The following HYLS1 variants were observed in gnomAD, a reference collection of about 807,000 sequenced individuals.
HYLS1 encodes the protein centriolar and ciliogenesis-associated protein HYLS1.
In HYLS1, 25 loss-of-function variants were observed where a neutral mutation model predicts 29.4. The observed-to-expected ratio is 0.85, with a 90% CI of 0.62 to 1.19. The LOEUF (loss-of-function observed/expected upper bound fraction) is 1.19. HYLS1 is among the 50% of genes most tolerant of loss of function. The probability of loss-of-function intolerance (pLI) is 0.00; values close to 1 mark genes in which losing one functional copy is unlikely to be tolerated. For missense variants in HYLS1, 352 were observed against 365.1 expected (o/e 0.96, Z 0.29); for synonymous variants, 128 against 126.7 (o/e 1.01, Z -0.07).
chr11:125,899,883 T>C lies in HYLS1; in HGVS notation c.515T>C (p.Leu172Pro). The C allele has an allele frequency of 1.2e-6, 2 of 1,614,218 alleles. No homozygotes were observed. The highest frequency in any genetic ancestry group is 1.7e-6 in the Non-Finnish European group (2 of 1,180,040). ...TCTCAAGATCAGCTCATTTGCTCTC[T>C]ACAAAGAGAAGGAATGGGCTCTCCA... Reference protein sequence around the residue: ...GISQDQLICSLQREGMGSPAY... With the variant: ...GISQDQLICSPQREGMGSPAY... The change falls in exon 3 of 3, where the codon CTA becomes CCA. Residue 172 changes from leucine (L) to proline (P), a missense_variant. Physicochemically the swap from Leu to Pro is moderately conservative, Grantham distance 98 (BLOSUM62 -3). Transcript: ENST00000425380.
intron 2 of HYLS1, chr11:125,895,653 A>C: frequency 6.2e-7 from 1 of 1,614,202 alleles, no homozygotes; most frequent in South Asian, 1.1e-5. Context: ...CAATATACGG[A>C]TGTCTGGAGG....
chr11:125,892,164 A>T (rs1448868585), intron 2 of HYLS1, among the ~76,000 whole-genome samples: 3 of 152,326 alleles, frequency 2.0e-5, no homozygotes, highest in African/African-American at 7.2e-5. Flanking sequence ...ATACTATCCA[A>T]TCTAGAAGAG....
upstream of HYLS1, among the ~76,000 whole-genome samples, chr11:125,884,610 A>AAAAC (rs952249022): frequency 2.5e-4 from 38 of 152,376 alleles, no homozygotes; most frequent in Admixed American, 2.0e-3. Context: ...CTCCGTCTCA[A>AAAAC]AAACAAACAA....
chr11:125,894,629 G>T (rs1420474252), intron 2 of HYLS1, among the ~76,000 whole-genome samples: 5 of 152,058 alleles, frequency 3.3e-5, no homozygotes, highest in Admixed American at 2.6e-4. Flanking sequence ...AAAATTATTG[G>T]TATCTATCTC....
intron 2 of HYLS1, among the ~76,000 whole-genome samples, chr11:125,892,222 T>G (rs1412634589): frequency 6.6e-6 from 1 of 152,170 alleles, no homozygotes; most frequent in Non-Finnish European, 1.5e-5. Flanking sequence ...ATAGGTAAAA[T>G]AAACAAGAAG....
intron 2 of HYLS1, among the ~76,000 whole-genome samples, chr11:125,897,468 C>T (rs537015475): frequency 1.1e-4 from 17 of 151,006 alleles, no homozygotes; most frequent in Admixed American, 5.9e-4. Flanking sequence ...TGGTAAAGTG[C>T]GACCTTCCTC....
chr11:125,885,177 C>T (rs1260737165), upstream of HYLS1, among the ~76,000 whole-genome samples: 5 of 152,190 alleles, frequency 3.3e-5, no homozygotes, highest in African/African-American at 9.7e-5. Flanking sequence ...TGGGGCTGCA[C>T]ACAGTGGCTC....
At position 125,889,219 on chromosome 11, in the gene HYLS1, G is replaced by A. The variant is rs543531859; in HGVS notation, c.-76+1454G>A. On this transcript the variant is annotated intron_variant, in intron 1 of 2. Coordinates refer to ENST00000425380, the MANE Select transcript of HYLS1 (RefSeq NM_001134793.2). ...ACGCATTACCATTTTTAATGGATGC[G>A]TGGCGTTTGTTGCTATGGCTGTATT... is the stretch of plus-strand genomic sequence containing the variant. Among the ~76,000 whole-genome samples the A allele has an allele frequency of 1.4e-4, 22 of 152,262 alleles. No homozygotes were observed. In the South Asian group the frequency reaches 4.6e-3, roughly 32 times the overall value.
intron 2 of HYLS1, among the ~76,000 whole-genome samples, chr11:125,894,857 G>C (rs192769247): frequency 3.9e-5 from 6 of 152,254 alleles, no homozygotes; most frequent in Admixed American, 2.6e-4. Context: ...AGAAATTAAT[G>C]TCTTTTTACT....
chr11:125,888,963 A>C (rs965347901), intron 1 of HYLS1, among the ~76,000 whole-genome samples: 1 of 152,190 alleles, frequency 6.6e-6, no homozygotes, highest in African/African-American at 2.4e-5. Context: ...AAAATACTCG[A>C]AATTTCATCA....
intron 2 of HYLS1, chr11:125,896,354 A>G (rs905234224): frequency 7.1e-7 from 1 of 1,403,484 alleles, no homozygotes; most frequent in East Asian, 2.3e-5. Context: ...AAAGGGATAC[A>G]ACAGTTTCAA....
At chr11:125,895,811 C>G in intron 2 of HYLS1, 1 of 1,583,720 alleles carries the variant, frequency 6.3e-7, no homozygotes, top group South Asian at 1.2e-5. Flanking sequence ...GACAAAGATA[C>G]TGGGTTTTAG....
intron 2 of HYLS1, among the ~76,000 whole-genome samples, chr11:125,894,942 C>T (rs1944528711): frequency 6.6e-6 from 1 of 152,180 alleles, no homozygotes; most frequent in Non-Finnish European, 1.5e-5. Context: ...ATACACTGCT[C>T]CCTCTTACAT....
chr11:125,886,066 G>T (rs1286909979), upstream of HYLS1, among the ~76,000 whole-genome samples: 1 of 152,006 alleles, frequency 6.6e-6, no homozygotes, highest in Non-Finnish European at 1.5e-5. Flanking sequence ...AATGTAATGC[G>T]CTTGAATCAT....
intron 2 of HYLS1, chr11:125,895,485 A>C: frequency 6.2e-7 from 1 of 1,614,148 alleles, no homozygotes; most frequent in Non-Finnish European, 8.5e-7. Context: ...GGCTACATCC[A>C]TTTTACACAA....
At chr11:125,899,268 A>C in intron 2 of HYLS1, 76 bp from the exon 3 acceptor site, 1 of 1,013,382 alleles carries the variant, frequency 9.9e-7, no homozygotes, top group Non-Finnish European at 1.5e-6. Context: ...ACTGCTATAA[A>C]ACGGAGATAA....
At chr11:125,897,763 G>A (rs959555835) in intron 2 of HYLS1, among the ~76,000 whole-genome samples, 1 of 152,198 alleles carries the variant, frequency 6.6e-6, no homozygotes, top group African/African-American at 2.4e-5. Context: ...TGTATGGTCA[G>A]TACAGCTTCT....
At chr11:125,887,106 G>A (rs915039512), upstream of HYLS1, 1 of 152,636 alleles carries the variant, frequency 6.6e-6, no homozygotes, top group Non-Finnish European at 1.5e-5. Context: ...CAGAGGAAAG[G>A]AAGAGCTCAG....
chr11:125,899,991 G>A lies in HYLS1; in HGVS notation c.623G>A (p.Gly208Asp), dbSNP rs1459437109. 6.8e-6 allele frequency: 11 copies of A among 1,614,214 alleles called. No homozygotes were observed. The highest frequency in any genetic ancestry group is 8.5e-6 in the Non-Finnish European group (10 of 1,180,038). The change falls in exon 3 of 3, where the codon GGC becomes GAC. Residue 208 changes from glycine to aspartate, a missense_variant. Gly to Asp is a moderately conservative substitution (Grantham distance 94). Coordinates refer to ENST00000425380, the MANE Select transcript of HYLS1 (RefSeq NM_001134793.2). ...PKLDQLSRNR[G>D]KTDRVARYFE... Reference sequence around the variant, plus strand: ...CTGGACCAGTTAAGCCGAAACCGGGGCAAGACAGACCGGGTAGCCCGGTAT... The same window carrying A: ...CTGGACCAGTTAAGCCGAAACCGGGACAAGACAGACCGGGTAGCCCGGTAT...
Sources: gnomAD v4.1 joint callset for allele counts (sites outside exome capture counted in the v4.1 genomes callset) on GRCh38, gnomAD v4.1.1 for gene constraint, MANE v1.5 for transcripts, NCBI Gene and HGNC (gene_info 2026-07-23, HGNC 2026-07-21) for gene names.